PCDHGA6: variants seen among roughly 807,000 people sequenced by gnomAD.
PCDHGA6 encodes protocadherin gamma-A6.
PCDHGA6 carries 41 observed loss-of-function variants against 60.6 expected under a neutral mutation model. The ratio of observed to expected loss-of-function variants is 0.68; its 90% CI spans 0.53 to 0.88. The LOEUF (loss-of-function observed/expected upper bound fraction) is 0.88, where lower values mean the gene tolerates loss of function less well. Ranked by LOEUF, PCDHGA6 falls within the 40% of genes least tolerant of loss-of-function variation. The probability of loss-of-function intolerance (pLI) is 0.00; values close to 1 mark genes in which losing one functional copy is unlikely to be tolerated. For missense variants in PCDHGA6, 1,312 were observed against 1,203.0 expected (o/e 1.09, Z -1.34); for synonymous variants, 594 against 524.4 (o/e 1.13, Z -1.81).
chr5:141,483,099 C>T (rs10068400), intron 1 of PCDHGA6, among the ~76,000 whole-genome samples: 3,098 of 152,014 alleles, frequency 0.02, 87 homozygotes, highest in African/African-American at 0.065. Flanking sequence ...AAAAAGTGTG[C>T]GTGTAAAACA....
In PCDHGA6 at chr5:141,431,930, C is replaced by A. The variant is rs761060241; in HGVS notation, c.2424+55423C>A. 236 of 1,613,932 alleles carry A rather than the reference C, an allele frequency of 1.5e-4. 1 individual carries two copies. The highest frequency in any genetic ancestry group is 1.4e-3 in the South Asian group (124 of 91,086). The stretch of plus-strand genomic sequence containing the variant: ...GATCTGTTTCATCCAAGGAAATCTG[C>A]CCTTTAAATTAGAAAAATCTTACGG... On this transcript the variant is annotated intron_variant, in intron 1 of 3. Transcript: ENST00000517434. This position sits in a 1 kb window ranked among gnomAD's most constrained non-coding sequence, Gnocchi z 4.8.
Position 141,432,581 on chromosome 5 carries a change from C to T in PCDHGA6, c.2424+56074C>T. 6.2e-7 allele frequency: 1 copy of T among 1,613,930 alleles called. No homozygotes were observed. The highest frequency in any genetic ancestry group is 8.5e-7 in the Non-Finnish European group (1 of 1,179,974). On this transcript the variant is annotated intron_variant, in intron 1 of 3. Coordinates refer to ENST00000517434, the MANE Select transcript of PCDHGA6 (RefSeq NM_018919.3). The surrounding 1 kb of genome is among the most constrained non-coding windows in gnomAD (Gnocchi z 6.0). ...CCAGAACGCCTGGCTGTCCTACCGT[C>T]TGCTCAAGGCCAGCGAGCCGGGACT...
At position 141,485,135 on chromosome 5, in the gene PCDHGA6, G is replaced by A; in HGVS notation, c.2425-9672G>A. 6.7e-7 allele frequency: 1 copy of A among 1,500,498 alleles called. No individual in the cohort carries two copies. Among genetic ancestry groups the A allele is most frequent in the East Asian group, 2.3e-5 (1 of 44,254 alleles). 92.9% of individuals were successfully genotyped at this position (1,500,498 alleles called of 1,614,324 possible). A position where few individuals can be genotyped will look rare whatever the true frequency, so the allele number is the denominator to read the frequency against. On this transcript the variant is annotated intron_variant, in intron 1 of 3. Coordinates refer to ENST00000517434, the MANE Select transcript of PCDHGA6 (RefSeq NM_018919.3). The surrounding 1 kb of genome is among the most constrained non-coding windows in gnomAD (Gnocchi z 5.7). ...TGTTTGGGGCGGGTCGGCTTCATCCGCGTCTCAGGAGCAAGTAGAGAATTA... is the reference window on the plus strand; with the variant it reads ...TGTTTGGGGCGGGTCGGCTTCATCCACGTCTCAGGAGCAAGTAGAGAATTA...
chr5:141,428,015 A>G, intron 1 of PCDHGA6: 5 of 1,604,042 alleles, frequency 3.1e-6, no homozygotes, highest in Non-Finnish European at 3.4e-6. Flanking sequence ...ATATAGTGCC[A>G]CGCGCCGCAG....
At position 141,482,530 on chromosome 5, in the gene PCDHGA6, C is replaced by CAA. The variant is rs3074545; in HGVS notation, c.2425-12259_2425-12258dup. ...CAGAGTACAGTATGAGACAGACATG[C>CAA]AAAAAAAAAAAAAAAAAAAGATAAT... On this transcript the variant is annotated intron_variant, in intron 1 of 3. Transcript: ENST00000517434. Among the ~76,000 whole-genome samples the CAA allele has an allele frequency of 5.5e-3, 422 of 76,516 alleles. 18 individuals are homozygous for CAA. Among genetic ancestry groups the CAA allele is most frequent in the African/African-American group, 0.016 (343 of 20,862 alleles). The allele number at this position is 76,516 out of a possible 152,430, so 50.2% of individuals were successfully genotyped here.
At chr5:141,416,124 AT>A (rs1297389183) in intron 1 of PCDHGA6, 1 of 154,644 alleles carries the variant, frequency 6.5e-6, no homozygotes, top group Non-Finnish European at 1.4e-5. Flanking sequence ...CATTTTATAT[AT>A]TTTTCAATCT....
chr5:141,506,801 C>A (rs1322016728), intron 3 of PCDHGA6, among the ~76,000 whole-genome samples: 2 of 152,166 alleles, frequency 1.3e-5, no homozygotes, highest in Non-Finnish European at 2.9e-5. Flanking sequence ...GGCAGAGGAT[C>A]AAGGCATTGC....
At chr5:141,483,064 A>G (rs1245942485) in intron 1 of PCDHGA6, among the ~76,000 whole-genome samples, 2 of 152,142 alleles carry the variant, frequency 1.3e-5, no homozygotes, top group Non-Finnish European at 2.9e-5. Context: ...CAGCATGGGC[A>G]ACAGAGAGAG....
intron 2 of PCDHGA6, among the ~76,000 whole-genome samples, chr5:141,503,388 A>C (rs1456500896): frequency 6.6e-6 from 1 of 152,004 alleles, no homozygotes; most frequent in East Asian, 1.9e-4. Flanking sequence ...TGAGGTCAGG[A>C]GTTCGAAACC....
chr5:141,460,511 A>G (rs533913282), intron 1 of PCDHGA6, among the ~76,000 whole-genome samples: 2 of 152,286 alleles, frequency 1.3e-5, no homozygotes, highest in Admixed American at 1.3e-4. Context: ...TGAGAAGGCT[A>G]TCTTTTCCCC....
At chr5:141,420,314 A>C (rs1454977890) in intron 1 of PCDHGA6, 1 of 1,442,690 alleles carries the variant, frequency 6.9e-7, no homozygotes. Flanking sequence ...TTTATATTAC[A>C]ATATGCCAAT....
At chr5:141,456,051 C>T (rs1592410743) in intron 1 of PCDHGA6, among the ~76,000 whole-genome samples, 1 of 151,998 alleles carries the variant, frequency 6.6e-6, no homozygotes, top group Non-Finnish European at 1.5e-5. Context: ...GCGCCCACCA[C>T]CACGTCCGGC....
At position 141,500,368 on chromosome 5, in the gene PCDHGA6, C is replaced by T. The variant is rs181410708; in HGVS notation, c.2484-5025C>T. Among the ~76,000 whole-genome samples, 364 of 152,050 alleles carry T rather than the reference C, an allele frequency of 2.4e-3. 3 individuals carry two copies. The highest frequency in any genetic ancestry group is 9.2e-3 in the Admixed American group (140 of 15,274). ...GGACTACAGGCGCCCACTACCACGCCCGGCTAATTATTTTGTATTTTTAGT... is the reference window on the plus strand; with the variant it reads ...GGACTACAGGCGCCCACTACCACGCTCGGCTAATTATTTTGTATTTTTAGT... On this transcript the variant is annotated intron_variant, in intron 2 of 3. Transcript: ENST00000517434.
At chr5:141,428,187 C>G in intron 1 of PCDHGA6, 3 of 1,439,502 alleles carry the variant, frequency 2.1e-6, no homozygotes, top group South Asian at 1.2e-5. Flanking sequence ...GGACAGCCGC[C>G]GCTCTCTGCG....
rs1266068276 is a variant in PCDHGA6 at position 141,418,847 on chromosome 5, C to T, written c.2424+42340C>T. 1.2e-6 allele frequency: 2 copies of T among 1,613,972 alleles called. No individual in the cohort carries two copies. The highest frequency in any genetic ancestry group is 1.3e-5 in the African/African-American group (1 of 75,054). On this transcript the variant is annotated intron_variant, in intron 1 of 3. Transcript: ENST00000517434. ...AAAAGACCGAGGATCTCTCTCAACACGGTGTAAAGTAATTGTAGAAGTTGT... is the reference window on the plus strand; with the variant it reads ...AAAAGACCGAGGATCTCTCTCAACATGGTGTAAAGTAATTGTAGAAGTTGT...
At chr5:141,381,269 G>A (rs1777099951) in intron 1 of PCDHGA6, among the ~76,000 whole-genome samples, 1 of 152,224 alleles carries the variant, frequency 6.6e-6, no homozygotes, top group Admixed American at 6.5e-5. Flanking sequence ...AACCAAGACT[G>A]TTTCTTGCCA....
At chr5:141,495,437 C>T (rs2099761356) in intron 2 of PCDHGA6, among the ~76,000 whole-genome samples, 1 of 152,178 alleles carries the variant, frequency 6.6e-6, no homozygotes, top group East Asian at 1.9e-4. Flanking sequence ...GTCCTCTGCC[C>T]CTACTTGTCC....
intron 1 of PCDHGA6, chr5:141,399,174 T>G: frequency 1.2e-6 from 2 of 1,613,818 alleles, no homozygotes; most frequent in Non-Finnish European, 1.7e-6. Context: ...ATTCTCTACT[T>G]GAAATGATTC....
rs780029376 is a variant in PCDHGA6 at position 141,375,319 on chromosome 5, G to A, written c.1236G>A (p.Arg412=). Residue 412 remains arginine (R), a synonymous_variant, in exon 1 of 4, where the codon CGG becomes CGA. Coordinates refer to ENST00000517434, the MANE Select transcript of PCDHGA6 (RefSeq NM_018919.3). ...TAGTGACAAATGCAGCTCTAGACCG[G>A]GAAGAGGTATTCTTGTACAACATCA... ...YRLVTNAALD[R]EEVFLYNITV... The A allele has an allele frequency of 9.3e-6, 15 of 1,613,770 alleles. No homozygotes were observed. The South Asian group carries it at 1.5e-4, about 17-fold the overall frequency.
Sources: gnomAD v4.1 joint callset for allele counts (sites outside exome capture counted in the v4.1 genomes callset) on GRCh38, gnomAD v4.1.1 for gene constraint, Gnocchi (gnomAD v3.1) non-coding constraint, MANE v1.5 for transcripts, NCBI Gene and HGNC (gene_info 2026-07-23, HGNC 2026-07-21) for gene names.